The following SORCS1 variants were observed in gnomAD, a reference collection of about 807,000 sequenced individuals.
SORCS1 encodes the protein VPS10 domain-containing receptor SorCS1.
In SORCS1, 60 loss-of-function variants were observed where a neutral mutation model predicts 146.1. The observed-to-expected ratio is 0.41, with a 90% CI of 0.33 to 0.51. SORCS1 has a LOEUF of 0.51. Ranked by LOEUF, SORCS1 falls within the 20% of genes least tolerant of loss-of-function variation. The pLI is 0.21. For synonymous variants in SORCS1, 637 were observed against 584.0 expected (o/e 1.09, Z -1.31); for missense variants, 1,352 against 1,487.6 (o/e 0.91, Z 1.50).
At chr10:106,875,881 C>T (rs1950573259) in intron 2 of SORCS1, among the ~76,000 whole-genome samples, 1 of 151,972 alleles carries the variant, frequency 6.6e-6, no homozygotes, top group South Asian at 2.1e-4. Flanking sequence ...AGTAGGGAGG[C>T]CAGTTAAGTG....
chr10:107,148,341 T>G (rs1203502048), intron 1 of SORCS1, among the ~76,000 whole-genome samples: 2 of 152,224 alleles, frequency 1.3e-5, no homozygotes, highest in Admixed American at 6.5e-5. Context: ...CTATTCAACT[T>G]TGTTGTTGTA....
At chr10:106,953,142 A>AGTGTGTGT (rs60289278) in intron 2 of SORCS1, among the ~76,000 whole-genome samples, 2 of 148,050 alleles carry the variant, frequency 1.4e-5, no homozygotes, top group Admixed American at 6.8e-5. Context: ...CTGTGGGTAT[A>AGTGTGTGT]GTGTGTGTGT....
intron 5 of SORCS1, among the ~76,000 whole-genome samples, chr10:106,744,521 T>C (rs1029948063): frequency 6.6e-5 from 10 of 152,238 alleles, no homozygotes; most frequent in African/African-American, 1.9e-4. Context: ...GGAGATATTG[T>C]AGTCTTCCCT....
chr10:107,162,046 A>G (rs1969750575), intron 1 of SORCS1, among the ~76,000 whole-genome samples: 1 of 152,188 alleles, frequency 6.6e-6, no homozygotes, highest in South Asian at 2.1e-4. Context: ...CCTGAACCTA[A>G]TAAGCCCTAC....
At chr10:106,831,621 T>G (rs1287427157) in intron 2 of SORCS1, among the ~76,000 whole-genome samples, 1 of 146,254 alleles carries the variant, frequency 6.8e-6, no homozygotes, top group Non-Finnish European at 1.5e-5. Context: ...CTACCATCCA[T>G]TCAGTATACA....
At chr10:107,021,711 C>A in intron 1 of SORCS1, among the ~76,000 whole-genome samples, 1 of 151,844 alleles carries the variant, frequency 6.6e-6, no homozygotes, top group East Asian at 1.9e-4. Context: ...CTGTTATAGG[C>A]AATTGATAAA....
At position 106,692,530 on chromosome 10, in the gene SORCS1, A is replaced by T. The variant is rs1249074066; in HGVS notation, c.1414-4192T>A. 2.0e-5 allele frequency among the ~76,000 whole-genome samples: 3 copies of T among 152,172 alleles called. No individual in the cohort carries two copies. The East Asian group carries it at 5.8e-4, about 29-fold the overall frequency. On this transcript the variant is annotated intron_variant, in intron 9 of 25. Transcript: ENST00000263054. Reference sequence around the variant, plus strand: ...GTACTGGACAATGAAAATGACCTAAAATTGTGGTGGTGGCTGTGCAGCTCT... The same window carrying T: ...GTACTGGACAATGAAAATGACCTAATATTGTGGTGGTGGCTGTGCAGCTCT...
At chr10:106,939,085 G>T (rs1028933053) in intron 2 of SORCS1, among the ~76,000 whole-genome samples, 1 of 152,106 alleles carries the variant, frequency 6.6e-6, no homozygotes, top group Non-Finnish European at 1.5e-5. Flanking sequence ...ATTGGGAGAA[G>T]GGCAATACCA....
intron 1 of SORCS1, among the ~76,000 whole-genome samples, chr10:107,096,462 C>T (rs1272165963): frequency 2.6e-5 from 4 of 152,152 alleles, no homozygotes; most frequent in Non-Finnish European, 4.4e-5. Flanking sequence ...AAACAACTTA[C>T]TATATCATAT....
chr10:106,918,205 G>A (rs961588276), intron 2 of SORCS1, among the ~76,000 whole-genome samples: 13 of 152,142 alleles, frequency 8.5e-5, no homozygotes, highest in Admixed American at 8.5e-4. Context: ...CTGTCGCCCA[G>A]GCTGGAGTGC....
In SORCS1 at chr10:106,607,383, T is replaced by G. The variant is rs1422061625; in HGVS notation, c.3034-86A>C. Reference sequence around the variant, plus strand: ...AAGTATTTGGTGGGGGGATCAGGGGTAGGCAGAAGACACCACAAGGGGCCT... The same window carrying G: ...AAGTATTTGGTGGGGGGATCAGGGGGAGGCAGAAGACACCACAAGGGGCCT... On this transcript the variant is annotated intron_variant, in intron 22 of 25. Coordinates refer to ENST00000263054, the MANE Select transcript of SORCS1 (RefSeq NM_052918.5). The G allele has an allele frequency of 1.1e-5, 17 of 1,540,318 alleles. No individual in the cohort carries two copies. In the Admixed American group the frequency reaches 1.2e-4, roughly 11 times the overall value.
intron 1 of SORCS1, among the ~76,000 whole-genome samples, chr10:107,043,571 T>C (rs1959190086): frequency 6.6e-6 from 1 of 152,190 alleles, no homozygotes; most frequent in Non-Finnish European, 1.5e-5. Context: ...GTACTCATTC[T>C]GGTGCGCTCC....
At chr10:107,003,433 T>A (rs1379506263) in intron 1 of SORCS1, among the ~76,000 whole-genome samples, 3 of 56,376 alleles carry the variant, frequency 5.3e-5, no homozygotes, top group Non-Finnish European at 9.6e-5. Context: ...CCCATAAGTG[T>A]GTGTGTGTGT....
At chr10:107,047,575 T>C (rs1362735639) in intron 1 of SORCS1, among the ~76,000 whole-genome samples, 1 of 152,210 alleles carries the variant, frequency 6.6e-6, no homozygotes, top group Non-Finnish European at 1.5e-5. Flanking sequence ...GTTGCTCTTA[T>C]ATTCAAACTT....
chr10:106,952,103 C>T (rs1954713953), intron 2 of SORCS1, among the ~76,000 whole-genome samples: 1 of 152,176 alleles, frequency 6.6e-6, no homozygotes, highest in Non-Finnish European at 1.5e-5. Context: ...TGTTTTCCAA[C>T]ACAGTTACAT....
At chr10:106,586,173 T>C (rs1477528126) in intron 24 of SORCS1, among the ~76,000 whole-genome samples, 1 of 152,228 alleles carries the variant, frequency 6.6e-6, no homozygotes, top group African/African-American at 2.4e-5. Context: ...TATAGTCTTC[T>C]ATCCCCACTC....
intron 2 of SORCS1, among the ~76,000 whole-genome samples, chr10:106,945,591 A>G (rs1391868793): frequency 1.3e-5 from 2 of 152,224 alleles, no homozygotes; most frequent in African/African-American, 4.8e-5. Flanking sequence ...ATGGGAATTA[A>G]TATTCTAAAT....
chr10:106,574,645 A>G lies in SORCS1; in HGVS notation c.*2775T>C, dbSNP rs1269305587. The stretch of plus-strand genomic sequence containing the variant: ...CCCTAGAGTTTCTAATTCAGTAGGT[A>G]TGGGGTATGGATCCAGAATCTGGAT... On this transcript the variant is annotated 3_prime_UTR_variant, in exon 26 of 26. Transcript: ENST00000263054. The G allele has an allele frequency of 1.3e-5, 2 of 152,218 alleles. No individual in the cohort carries two copies. Among genetic ancestry groups the G allele is most frequent in the African/African-American group, 4.8e-5 (2 of 41,428 alleles). 9.4% of individuals were successfully genotyped at this position (152,218 alleles called of 1,614,324 possible).
intron 1 of SORCS1, among the ~76,000 whole-genome samples, chr10:107,082,082 G>A (rs1963372417): frequency 6.6e-6 from 1 of 152,306 alleles, no homozygotes; most frequent in Admixed American, 6.5e-5. Context: ...CCAATTTGTT[G>A]TGAATAGCCT....
Sources: allele counts gnomAD v4.1 joint callset (sites outside exome capture counted in the v4.1 genomes callset), GRCh38; gene constraint gnomAD v4.1.1; transcripts MANE v1.5; gene names NCBI Gene and HGNC (gene_info 2026-07-23, HGNC 2026-07-21).